The following CFAP54 variants were observed in gnomAD, a reference collection of about 807,000 sequenced individuals.
The protein encoded by CFAP54 is cilia- and flagella-associated protein 54.
Under a neutral mutation model 370.4 loss-of-function variants are expected in CFAP54, and 290 were observed. That is an observed-to-expected ratio of 0.78 (90% CI 0.71 to 0.86). CFAP54 has a LOEUF of 0.86. Ranked by LOEUF, CFAP54 falls within the 40% of genes least tolerant of loss-of-function variation. The pLI is 0.00. For synonymous variants in CFAP54, 1,206 were observed against 1,236.5 expected, an observed-to-expected ratio of 0.98 and a Z score of 0.52; for missense variants, 3,399 against 3,528.7, an observed-to-expected ratio of 0.96 and a Z score of 0.93.
intron 50 of CFAP54, among the ~76,000 whole-genome samples, chr12:96,728,497 G>A (rs1219702023): frequency 6.6e-6 from 1 of 151,976 alleles, no homozygotes; most frequent in Non-Finnish European, 1.5e-5. Flanking sequence ...CATTCTTCAC[G>A]TAGTTCTCGA....
intron 36 of CFAP54, among the ~76,000 whole-genome samples, chr12:96,653,463 C>T (rs1956884394): frequency 6.6e-6 from 1 of 152,010 alleles, no homozygotes; most frequent in Non-Finnish European, 1.5e-5. Flanking sequence ...AACGGTTTGC[C>T]ATAATATAGG....
At chr12:96,758,927 G>T (rs728277) in intron 58 of CFAP54, among the ~76,000 whole-genome samples, 55,537 of 151,926 alleles carry the variant, frequency 0.37, 10,894 homozygotes, top group East Asian at 0.58. Context: ...GACTCAGGGA[G>T]ATCCCAGATG....
intron 5 of CFAP54, among the ~76,000 whole-genome samples, chr12:96,514,157 C>T (rs115322601): frequency 0.013 from 1,998 of 152,308 alleles, 61 homozygotes; most frequent in African/African-American, 0.046. Context: ...GCATCTGAAA[C>T]ATGACTACTT....
intron 17 of CFAP54, among the ~76,000 whole-genome samples, chr12:96,556,322 C>CA (rs139566944): frequency 0.079 from 11,076 of 139,452 alleles, 461 homozygotes; most frequent in Middle Eastern, 0.12. Flanking sequence ...ATAAGGAAAG[C>CA]AAAAAAAAAA....
At chr12:96,531,016 G>A (rs1000509089) in intron 9 of CFAP54, among the ~76,000 whole-genome samples, 12 of 152,134 alleles carry the variant, frequency 7.9e-5, no homozygotes, top group African/African-American at 2.6e-4. Context: ...TAATTGGATT[G>A]TTAATTATTT....
At chr12:96,826,694 T>C (rs911947731) in intron 65 of CFAP54, among the ~76,000 whole-genome samples, 14 of 110,382 alleles carry the variant, frequency 1.3e-4, no homozygotes, top group African/African-American at 5.2e-4. Flanking sequence ...ATATTACATA[T>C]TATAATATAT....
intron 67 of CFAP54, among the ~76,000 whole-genome samples, chr12:96,873,300 A>T: frequency 6.6e-6 from 1 of 152,248 alleles, no homozygotes; most frequent in East Asian, 1.9e-4. Flanking sequence ...CTGAGATTAT[A>T]TCTGAATCTT....
At chr12:96,594,617 G>C (rs184103041) in intron 25 of CFAP54, among the ~76,000 whole-genome samples, 171 bp downstream of exon 25, 3 of 152,162 alleles carry the variant, frequency 2.0e-5, no homozygotes, top group Admixed American at 1.3e-4. Flanking sequence ...ATATGTCTGG[G>C]CACATATAGA....
At chr12:96,704,825 G>A in intron 47 of CFAP54, 29 bp downstream of exon 47, 1 of 874,952 alleles carries the variant, frequency 1.1e-6, no homozygotes, top group Admixed American at 2.8e-5. Context: ...TATAAACATG[G>A]TTTTCCTAAG....
rs564161766 is a variant in CFAP54 at position 96,632,531 on chromosome 12, T to G, written c.4316+1880T>G. Among the ~76,000 whole-genome samples, 74 of 152,170 alleles carry G rather than the reference T, an allele frequency of 4.9e-4. 1 individual carries two copies. Among genetic ancestry groups the G allele is most frequent in the Admixed American group, 2.0e-3 (31 of 15,294 alleles). On this transcript the variant is annotated intron_variant, in intron 32 of 67. Coordinates refer to ENST00000524981, the MANE Select transcript of CFAP54 (RefSeq NM_001306084.2). ...AATCTATTCTATTGTCACTGTTAAC[T>G]TTATCACTTAACAAGTTTTCATATA...
At chr12:96,712,675 T>G (rs1165080426) in intron 48 of CFAP54, among the ~76,000 whole-genome samples, 1 of 152,122 alleles carries the variant, frequency 6.6e-6, no homozygotes, top group African/African-American at 2.4e-5. Context: ...TCATCCCTTC[T>G]TCCCATCTCC....
intron 23 of CFAP54, among the ~76,000 whole-genome samples, chr12:96,591,099 C>T (rs1956119167): frequency 6.6e-6 from 1 of 152,104 alleles, no homozygotes; most frequent in Admixed American, 6.5e-5. Flanking sequence ...TGAAAAGAAG[C>T]TGTCCAGAAA....
At chr12:96,693,864 A>G in intron 45 of CFAP54, 56 bp downstream of exon 45, 1 of 1,148,548 alleles carries the variant, frequency 8.7e-7, no homozygotes, top group Non-Finnish European at 1.3e-6. Context: ...GGATATTGTC[A>G]TGTATTAATT....
At chr12:96,592,459 A>G in intron 23 of CFAP54, 31 bp from the exon 24 acceptor site, 1 of 453,336 alleles carries the variant, frequency 2.2e-6, no homozygotes, top group South Asian at 4.6e-5. Flanking sequence ...ATCAATTTAT[A>G]TTTATACCTG....
At chr12:96,675,229 AC>A (rs1957192542) in intron 39 of CFAP54, among the ~76,000 whole-genome samples, 1 of 152,210 alleles carries the variant, frequency 6.6e-6, no homozygotes, top group African/African-American at 2.4e-5. Context: ...ATGAACTCAA[AC>A]AAATTTACAA....
rs554029311 is a variant in CFAP54, at chr12:96,815,397, G to A, written c.8958-2378G>A. Among the ~76,000 whole-genome samples, 5 of 119,300 alleles carry A rather than the reference G, an allele frequency of 4.2e-5. No individual in the cohort carries two copies. The South Asian group carries it at 1.2e-3, about 28-fold the overall frequency. 78.3% of individuals were successfully genotyped at this position (119,300 alleles called of 152,430 possible). On this transcript the variant is annotated intron_variant, in intron 64 of 67. Transcript: ENST00000524981. ...ATATCCTTTGCCTACTCTTTGATGGGGTTGTTTGTTTTTTTCTTGTAAATT... is the reference window on the plus strand; with the variant it reads ...ATATCCTTTGCCTACTCTTTGATGGAGTTGTTTGTTTTTTTCTTGTAAATT...
intron 38 of CFAP54, among the ~76,000 whole-genome samples, chr12:96,659,379 C>CA (rs1956964398): frequency 6.6e-6 from 1 of 152,132 alleles, no homozygotes; most frequent in African/African-American, 2.4e-5. Flanking sequence ...AGTGATCCTC[C>CA]CACCTCAGCC....
At chr12:96,856,884 G>C (rs1186329004) in intron 66 of CFAP54, among the ~76,000 whole-genome samples, 1 of 152,100 alleles carries the variant, frequency 6.6e-6, no homozygotes, top group Non-Finnish European at 1.5e-5. Flanking sequence ...GTATTAGTCT[G>C]TTCTCACACT....
At chr12:96,511,964 G>C (rs546312588) in intron 4 of CFAP54, among the ~76,000 whole-genome samples, 1 of 152,168 alleles carries the variant, frequency 6.6e-6, no homozygotes, top group East Asian at 1.9e-4. Flanking sequence ...TGTATACAGA[G>C]AGAAGTATGG....
Sources: allele counts gnomAD v4.1 joint callset (sites outside exome capture counted in the v4.1 genomes callset), GRCh38; gene constraint gnomAD v4.1.1; transcripts MANE v1.5; gene names NCBI Gene and HGNC (gene_info 2026-07-23, HGNC 2026-07-21).